The following RNF17 variants were observed in gnomAD, a reference collection of about 807,000 sequenced individuals.
The protein encoded by RNF17 is spermatogenesis associated 23.
A neutral mutation model predicts 200.5 loss-of-function variants in RNF17; 31 were observed. The ratio of observed to expected loss-of-function variants is 0.15; its 90% CI spans 0.12 to 0.21. The LOEUF is 0.21. RNF17 is among the 10% of genes least tolerant of loss of function. RNF17 has a pLI of 1.00. For missense variants in RNF17, 1,628 were observed against 1,905.1 expected, an observed-to-expected ratio of 0.85 and a Z score of 2.71; for synonymous variants, 606 against 637.8, an observed-to-expected ratio of 0.95 and a Z score of 0.75.
At chr13:24,798,355 G>T (rs1322158091) in intron 11 of RNF17, among the ~76,000 whole-genome samples, 1 of 152,196 alleles carries the variant, frequency 6.6e-6, no homozygotes, top group Admixed American at 6.5e-5. Context: ...AACTAAGAAT[G>T]TTGGTACAGT....
chr13:24,764,407 C>T lies in RNF17; in HGVS notation c.130+74C>T, dbSNP rs999857821. 8.1e-6 allele frequency: 12 copies of T among 1,478,886 alleles called. No homozygotes were observed. The African/African-American group carries it at 9.7e-5, about 12-fold the overall frequency. 91.6% of individuals were successfully genotyped at this position (1,478,886 alleles called of 1,614,324 possible). A position where few individuals can be genotyped will look rare whatever the true frequency, so the allele number is the denominator to read the frequency against. On this transcript the variant is annotated intron_variant, in intron 1 of 35. Transcript: ENST00000255324. Reference sequence around the variant, plus strand: ...GCTGGGGGCCAGGTGAGCTGGTGGGCGCGTGAGGCTTGGTCAGCTGCATCC... The same window carrying T: ...GCTGGGGGCCAGGTGAGCTGGTGGGTGCGTGAGGCTTGGTCAGCTGCATCC...
Position 24,844,976 on chromosome 13 carries a change from G to A in RNF17, c.2998G>A (p.Val1000Met), listed in dbSNP as rs776532158. Residue 1000 changes from valine to methionine, a missense_variant, in exon 22 of 36, where the codon GTG becomes ATG. Physicochemically the swap from Val to Met is conservative, Grantham distance 21. Coordinates refer to ENST00000255324, the MANE Select transcript of RNF17 (RefSeq NM_031277.3). ...DTLVEVLLYD[V>M]GVELVVNVDC... is the part of the protein sequence containing the mutation. ...ATTTTCTTAGGTCTTGCTGTATGATGTGGGTGTTGAACTAGTAGTGAATGT... is the reference window on the plus strand; with the variant it reads ...ATTTTCTTAGGTCTTGCTGTATGATATGGGTGTTGAACTAGTAGTGAATGT... 30 of 1,602,146 alleles carry A rather than the reference G, an allele frequency of 1.9e-5. No homozygotes were observed. In the Admixed American group the frequency reaches 2.7e-4, roughly 14 times the overall value.
chr13:24,776,336 C>T (rs180957880), intron 3 of RNF17, among the ~76,000 whole-genome samples: 1 of 152,248 alleles, frequency 6.6e-6, no homozygotes, highest in African/African-American at 2.4e-5. Context: ...GTGTAGAATT[C>T]CTGGCACTTC....
rs777979100 is a variant in RNF17 at position 24,861,404 on chromosome 13, T to C, written c.3894+17T>C. 2.1e-4 allele frequency: 302 copies of C among 1,427,340 alleles called. No homozygotes were observed. Among genetic ancestry groups the C allele is most frequent in the Non-Finnish European group, 2.7e-4 (293 of 1,070,434 alleles). 88.4% of individuals were successfully genotyped at this position (1,427,340 alleles called of 1,614,324 possible). ...ACCACACCTGTGAGTACATAATAATTTGTGGAATGATTAATTTTAAATATT... is the reference window on the plus strand; with the variant it reads ...ACCACACCTGTGAGTACATAATAATCTGTGGAATGATTAATTTTAAATATT... On this transcript the variant is annotated intron_variant, in intron 27 of 35. Transcript: ENST00000255324.
At chr13:24,870,440 G>T in intron 31 of RNF17, 131 bp from the exon 32 acceptor site, 1 of 657,028 alleles carries the variant, frequency 1.5e-6, no homozygotes, top group Non-Finnish European at 2.6e-6. Flanking sequence ...AGGAATAGGA[G>T]GTGAATATCA....
chr13:24,874,265 C>A lies in RNF17; in HGVS notation c.4583+16C>A. 6.5e-7 allele frequency: 1 copy of A among 1,545,460 alleles called. No individual in the cohort carries two copies. Among genetic ancestry groups the A allele is most frequent in the South Asian group, 1.2e-5 (1 of 80,462 alleles). ...CATTAAACAGGTTAAAAATAAATGT[C>A]GGGGTGTTGAATTAGATTTCTTTTT... On this transcript the variant is annotated intron_variant, in intron 33 of 35. Transcript: ENST00000255324.
chr13:24,807,338 A>G (rs1886015333), intron 15 of RNF17, among the ~76,000 whole-genome samples: 1 of 150,932 alleles, frequency 6.6e-6, no homozygotes, highest in Admixed American at 6.6e-5. Flanking sequence ...AATGATTGCC[A>G]TTCTAACTGG....
chr13:24,749,724 T>C, the RNF17 span, among the ~76,000 whole-genome samples: 5 of 152,042 alleles, frequency 3.3e-5, no homozygotes, highest in African/African-American at 1.2e-4. Flanking sequence ...CTCCAGTTTG[T>C]TATTAATTGC....
intron 2 of RNF17, among the ~76,000 whole-genome samples, chr13:24,770,528 T>C (rs1447329529): frequency 1.3e-5 from 2 of 152,082 alleles, no homozygotes; most frequent in Non-Finnish European, 2.9e-5. Flanking sequence ...AACTAGGAGG[T>C]ATATAGAAAT....
chr13:24,821,062 A>C (rs759122166), intron 15 of RNF17, among the ~76,000 whole-genome samples: 10 of 152,048 alleles, frequency 6.6e-5, no homozygotes, highest in Non-Finnish European at 1.5e-4. Flanking sequence ...TTGAGGGAAA[A>C]TCCATTTCAC....
intron 32 of RNF17, among the ~76,000 whole-genome samples, chr13:24,871,191 T>C (rs1894210739): frequency 6.6e-6 from 1 of 152,228 alleles, no homozygotes. Context: ...AGTCCATTCT[T>C]CCCATCTTTA....
intron 33 of RNF17, among the ~76,000 whole-genome samples, chr13:24,875,584 C>A (rs933726369): frequency 6.6e-6 from 1 of 152,208 alleles, no homozygotes; most frequent in African/African-American, 2.4e-5. Context: ...GGACCCAGAT[C>A]AGCTGCAGAT....
intron 34 of RNF17, 110 bp downstream of exon 34, chr13:24,877,296 A>G (rs1266361614): frequency 8.9e-6 from 7 of 784,828 alleles, no homozygotes; most frequent in Non-Finnish European, 1.5e-5. Context: ...TAAAGCATAT[A>G]CAGCTATATA....
chr13:24,762,546 T>C (rs1452869618), upstream of RNF17, among the ~76,000 whole-genome samples: 10 of 152,246 alleles, frequency 6.6e-5, no homozygotes, highest in Middle Eastern at 3.4e-3. Context: ...GTGGAAACTA[T>C]TGGATGAGTA....
chr13:24,828,983 A>AT (rs111419651), intron 16 of RNF17, among the ~76,000 whole-genome samples: 6,730 of 151,302 alleles, frequency 0.044, 473 homozygotes, highest in African/African-American at 0.15. Context: ...TAATTTATAT[A>AT]TTTTTTTTGT....
chr13:24,799,981 T>C (rs2137718579), intron 12 of RNF17, among the ~76,000 whole-genome samples: 1 of 152,300 alleles, frequency 6.6e-6, no homozygotes, highest in Non-Finnish European at 1.5e-5. Flanking sequence ...TAAATGGTTT[T>C]CTCTGTCTTC....
intron 18 of RNF17, among the ~76,000 whole-genome samples, chr13:24,837,928 G>A (rs112097940): frequency 0.01 from 1,586 of 152,090 alleles, 21 homozygotes; most frequent in Middle Eastern, 0.041. Flanking sequence ...AAATTGATAG[G>A]CCATTAGCAC....
intron 18 of RNF17, among the ~76,000 whole-genome samples, chr13:24,839,030 G>T (rs576040398): frequency 6.6e-6 from 1 of 152,038 alleles, no homozygotes; most frequent in South Asian, 2.1e-4. Context: ...CACCAACAGC[G>T]ACCAAGTGGA....
chr13:24,766,860 T>TA (rs1317069995), intron 1 of RNF17, among the ~76,000 whole-genome samples: 1 of 152,252 alleles, frequency 6.6e-6, no homozygotes, highest in African/African-American at 2.4e-5. Flanking sequence ...CAAATGCTAT[T>TA]ACATAGCTCT....
Sources: allele counts gnomAD v4.1 joint callset (sites outside exome capture counted in the v4.1 genomes callset), GRCh38; gene constraint gnomAD v4.1.1; transcripts MANE v1.5; gene names NCBI Gene and HGNC (gene_info 2026-07-23, HGNC 2026-07-21).